The following SEC23B variants were observed in gnomAD, a reference collection of about 807,000 sequenced individuals.
SEC23B encodes SEC23 homolog B, COPII component.
SEC23B carries 77 observed loss-of-function variants against 104.3 expected under a neutral mutation model. The ratio of observed to expected loss-of-function variants is 0.74; its 90% CI spans 0.61 to 0.89. The LOEUF (loss-of-function observed/expected upper bound fraction) is 0.89, where lower values mean the gene tolerates loss of function less well. SEC23B is among the 40% of genes least tolerant of loss of function. The probability of loss-of-function intolerance (pLI) is 0.00; values close to 1 mark genes in which losing one functional copy is unlikely to be tolerated. For synonymous variants in SEC23B, 338 were observed against 332.5 expected (o/e 1.02, Z -0.18); for missense variants, 885 against 949.4 (o/e 0.93, Z 0.89).
chr20:18,539,779 G>A (rs2060271782), intron 12 of SEC23B, among the ~76,000 whole-genome samples: 1 of 151,716 alleles, frequency 6.6e-6, no homozygotes, highest in African/African-American at 2.4e-5. Context: ...CGAGTAGCTG[G>A]GATTACAGGT....
At position 18,531,917 on chromosome 20, in the gene SEC23B, G is replaced by T. The variant is rs188658275; in HGVS notation, c.1234-747G>T. ...ATTTAAAAAAAAAAAAATTAACCTCGTGTGGTGGTGCACACCTGTGGTTCC... is the reference window on the plus strand; with the variant it reads ...ATTTAAAAAAAAAAAAATTAACCTCTTGTGGTGGTGCACACCTGTGGTTCC... On this transcript the variant is annotated intron_variant, in intron 10 of 19. Transcript: ENST00000650089. Among the ~76,000 whole-genome samples, 9 of 151,848 alleles carry T rather than the reference G, an allele frequency of 5.9e-5. No individual in the cohort carries two copies. In the East Asian group the frequency reaches 1.7e-3, roughly 29 times the overall value.
Position 18,560,955 on chromosome 20 carries a change from T to A in SEC23B, c.*215T>A, listed in dbSNP as rs1832802231. 5.5e-6 allele frequency: 3 copies of A among 548,546 alleles called. No individual in the cohort carries two copies. Among genetic ancestry groups the A allele is most frequent in the Non-Finnish European group, 9.8e-6 (3 of 307,040 alleles). The allele number at this position is 548,546 out of a possible 1,614,324, so 34.0% of individuals were successfully genotyped here. On this transcript the variant is annotated 3_prime_UTR_variant, in exon 20 of 20. Coordinates refer to ENST00000650089, the MANE Select transcript of SEC23B (RefSeq NM_006363.6). ...AAGGTCATAAATGTTTTGGTACTTG[T>A]AGATGTTTATGTGCTTTTTGTATCC...
At chr20:18,532,810 CATG>C (rs1478869134) in intron 11 of SEC23B, 66 bp downstream of exon 11, 1 of 1,184,784 alleles carries the variant, frequency 8.4e-7, no homozygotes, top group Non-Finnish European at 1.3e-6. Flanking sequence ...AGTGTCAGAG[CATG>C]ATGATCTCAC....
intron 11 of SEC23B, 99 bp from the exon 12 acceptor site, chr20:18,535,554 C>CT (rs1448823571): frequency 3.5e-6 from 3 of 851,510 alleles, no homozygotes; most frequent in East Asian, 2.5e-5. Flanking sequence ...AGAAGATACT[C>CT]TAAGTAGCCT....
intron 4 of SEC23B, among the ~76,000 whole-genome samples, chr20:18,520,786 AC>A (rs904586529): frequency 2.0e-5 from 3 of 152,002 alleles, no homozygotes; most frequent in African/African-American, 7.2e-5. Flanking sequence ...CTTACTCTCC[AC>A]TGTAAGAGTT....
chr20:18,513,098 C>T (rs563494523), intron 3 of SEC23B, among the ~76,000 whole-genome samples: 10 of 152,216 alleles, frequency 6.6e-5, no homozygotes, highest in Admixed American at 2.0e-4. Flanking sequence ...GCAGGTGAAT[C>T]GCTTGAACCC....
intron 4 of SEC23B, among the ~76,000 whole-genome samples, chr20:18,516,312 T>G (rs1001239995): frequency 1.3e-5 from 2 of 151,806 alleles, no homozygotes; most frequent in African/African-American, 4.8e-5. Context: ...TTTGTTTTGC[T>G]TTCAAATATT....
At chr20:18,541,563 A>G (rs1319041763) in intron 12 of SEC23B, among the ~76,000 whole-genome samples, 2 of 152,212 alleles carry the variant, frequency 1.3e-5, no homozygotes, top group Non-Finnish European at 2.9e-5. Context: ...ATATTGTTGT[A>G]TCTCAGGAAA....
At chr20:18,524,383 G>T (rs779450493) in intron 4 of SEC23B, 50 bp from the exon 5 acceptor site, 1 of 1,387,626 alleles carries the variant, frequency 7.2e-7, no homozygotes, top group Non-Finnish European at 1.0e-6. Flanking sequence ...AAAAGTGCTG[G>T]TTAAGTCTAT....
chr20:18,530,731 A>G lies in SEC23B; in HGVS notation c.1161A>G (p.Thr387=). ...TCAACACTTCTCTCTTCAAGCAGACATTCCAAAGAATCTTTACTAAAGATT... is the reference window on the plus strand; with the variant it reads ...TCAACACTTCTCTCTTCAAGCAGACGTTCCAAAGAATCTTTACTAAAGATT... ...DSFNTSLFKQ[T]FQRIFTKDFN... Residue 387 remains threonine (T), a synonymous_variant, in exon 10 of 20, where the codon ACA becomes ACG. Coordinates refer to ENST00000650089, the MANE Select transcript of SEC23B (RefSeq NM_006363.6). 6.2e-7 allele frequency: 1 copy of G among 1,613,336 alleles called. No homozygotes were observed. The highest frequency in any genetic ancestry group is 8.5e-7 in the Non-Finnish European group (1 of 1,179,290).
Position 18,510,841 on chromosome 20 carries a change from G to T in SEC23B, c.6G>T (p.Ala2=). 6.2e-7 allele frequency: 1 copy of T among 1,613,746 alleles called. No individual in the cohort carries two copies. The highest frequency in any genetic ancestry group is 8.5e-7 in the Non-Finnish European group (1 of 1,179,724). Residue 2 remains alanine (A), a synonymous_variant, in exon 2 of 20, where the codon GCG becomes GCT. Coordinates refer to ENST00000650089, the MANE Select transcript of SEC23B (RefSeq NM_006363.6). ...CTTCAGTTCCCTTTTAGACTATGGC[G>T]ACATACCTGGAGTTCATCCAGCAGA... M[A]TYLEFIQQNE...
intron 6 of SEC23B, among the ~76,000 whole-genome samples, chr20:18,525,429 G>A (rs2060125446): frequency 6.6e-6 from 1 of 152,220 alleles, no homozygotes; most frequent in Non-Finnish European, 1.5e-5. Context: ...AGATTAGAAT[G>A]ATGAGGAATG....
At chr20:18,538,519 C>CAG (rs2060258076) in intron 12 of SEC23B, among the ~76,000 whole-genome samples, 1 of 152,088 alleles carries the variant, frequency 6.6e-6, no homozygotes, top group East Asian at 1.9e-4. Context: ...TTCCAAAGTG[C>CAG]TGGGATTACA....
chr20:18,539,019 C>T (rs1178758067), intron 12 of SEC23B, among the ~76,000 whole-genome samples: 1 of 141,760 alleles, frequency 7.1e-6, no homozygotes, highest in Non-Finnish European at 1.5e-5. Flanking sequence ...GCCTGAACAA[C>T]ATGGTGAAAC....
chr20:18,508,398 G>A (rs951824286), intron 1 of SEC23B: 1 of 152,286 alleles, frequency 6.6e-6, no homozygotes, highest in Non-Finnish European at 1.5e-5. Flanking sequence ...GGGTGGTTCA[G>A]ATTTTTTGGC....
chr20:18,542,046 T>C (rs942817713), intron 12 of SEC23B, among the ~76,000 whole-genome samples: 1 of 152,246 alleles, frequency 6.6e-6, no homozygotes, highest in African/African-American at 2.4e-5. Context: ...CAGTCATCCA[T>C]GTATTTCATG....
intron 3 of SEC23B, among the ~76,000 whole-genome samples, chr20:18,512,494 T>C (rs138328478): frequency 1.3e-3 from 197 of 152,286 alleles, no homozygotes; most frequent in African/African-American, 4.6e-3. Flanking sequence ...TGCTTGGGGC[T>C]GGGGAGGGGG....
rs764334988 is a variant in SEC23B at position 18,524,630 on chromosome 20, C to T, written c.564C>T (p.Val188=). The change falls in exon 5 of 20, where the codon GTC becomes GTT. Residue 188 remains valine, a synonymous_variant. Transcript: ENST00000650089. ...LSCEGISKSY[V]FRGTKDLTAK... is the part of the protein sequence containing the mutation. The stretch of plus-strand genomic sequence containing the variant: ...GTGAAGGAATCTCCAAAAGTTATGT[C>T]TTCCGAGGGACCAAGGATTTAACTG... 2 of 1,614,174 alleles carry T rather than the reference C, an allele frequency of 1.2e-6. No individual in the cohort carries two copies. The highest frequency in any genetic ancestry group is 2.2e-5 in the South Asian group (2 of 91,086).
intron 3 of SEC23B, among the ~76,000 whole-genome samples, chr20:18,512,907 C>T (rs373071312): frequency 6.6e-6 from 1 of 151,694 alleles, no homozygotes; most frequent in Admixed American, 6.6e-5. Context: ...AAAATTAGGC[C>T]GGGCGCGGTG....
Sources: allele counts gnomAD v4.1 joint callset (sites outside exome capture counted in the v4.1 genomes callset), GRCh38; gene constraint gnomAD v4.1.1; transcripts MANE v1.5; gene names NCBI Gene and HGNC (gene_info 2026-07-23, HGNC 2026-07-21).